The following UNC13C variants were observed in gnomAD, a reference collection of about 807,000 sequenced individuals.
UNC13C encodes the protein unc-13 homolog C, also known as protein unc-13 homolog C.
UNC13C carries 174 observed loss-of-function variants against 245.4 expected under a neutral mutation model. The observed-to-expected ratio is 0.71, with a 90% CI of 0.63 to 0.80. UNC13C has a LOEUF of 0.80. Among genes scored for constraint, UNC13C ranks in the 30% least tolerant of loss-of-function variants. The pLI is 0.00. For missense variants in UNC13C, 2,829 were observed against 2,602.9 expected (o/e 1.09, Z -1.89); for synonymous variants, 992 against 895.1 (o/e 1.11, Z -1.93).
chr15:54,284,224 A>G (rs181557016), intron 10 of UNC13C, among the ~76,000 whole-genome samples: 4 of 152,332 alleles, frequency 2.6e-5, no homozygotes, highest in Admixed American at 1.3e-4. Context: ...TCAAACATAC[A>G]TCCAAAGTGG....
chr15:53,860,297 C>T, the UNC13C span, among the ~76,000 whole-genome samples: 1 of 152,066 alleles, frequency 6.6e-6, no homozygotes, highest in Non-Finnish European at 1.5e-5. Context: ...TTACAGGTTG[C>T]TTTTATGACC....
At chr15:54,037,629 TAACATTAGAG>T (rs1262820296) in intron 2 of UNC13C, among the ~76,000 whole-genome samples, 1 of 152,200 alleles carries the variant, frequency 6.6e-6, no homozygotes, top group Non-Finnish European at 1.5e-5. Context: ...GAGATACTTC[TAACATTAGAG>T]ATTTGATTGG....
At chr15:54,412,977 A>G (rs2040445045) in intron 18 of UNC13C, among the ~76,000 whole-genome samples, 1 of 152,162 alleles carries the variant, frequency 6.6e-6, no homozygotes, top group Non-Finnish European at 1.5e-5. Flanking sequence ...ATTTTAAATC[A>G]TGAATGAATG....
chr15:54,552,526 T>C (rs1896818244), intron 28 of UNC13C, among the ~76,000 whole-genome samples: 1 of 65,378 alleles, frequency 1.5e-5, no homozygotes, highest in Admixed American at 2.6e-4. Context: ...ATATTATATA[T>C]AATAATATAA....
chr15:53,996,426 T>C (rs1225765344), intron 1 of UNC13C, among the ~76,000 whole-genome samples: 2 of 152,204 alleles, frequency 1.3e-5, no homozygotes, highest in African/African-American at 4.8e-5. Flanking sequence ...CTTATGTCTT[T>C]GATTGCAGGG....
chr15:54,280,693 CAT>C (rs539072740), intron 10 of UNC13C, among the ~76,000 whole-genome samples: 1 of 64,900 alleles, frequency 1.5e-5, no homozygotes, highest in African/African-American at 1.3e-4. Context: ...CATATATAAA[CAT>C]ATGTATACAT....
At chr15:54,326,130 T>C (rs2038292877) in intron 14 of UNC13C, among the ~76,000 whole-genome samples, 2 of 152,022 alleles carry the variant, frequency 1.3e-5, no homozygotes, top group South Asian at 2.1e-4. Flanking sequence ...GTGAGAGTCC[T>C]TGCAGAGAAC....
chr15:54,370,386 C>A (rs2039462527), intron 17 of UNC13C, among the ~76,000 whole-genome samples: 1 of 152,098 alleles, frequency 6.6e-6, no homozygotes, highest in Non-Finnish European at 1.5e-5. Context: ...CTAAATACCT[C>A]ATAATGAAAT....
At chr15:53,936,435 A>C in the UNC13C span, among the ~76,000 whole-genome samples, 1 of 151,452 alleles carries the variant, frequency 6.6e-6, no homozygotes, top group Admixed American at 6.6e-5. Context: ...CAGCTGACTT[A>C]CCTTTCCTGC....
intron 19 of UNC13C, among the ~76,000 whole-genome samples, chr15:54,435,429 G>A (rs181723785): frequency 6.6e-6 from 1 of 152,148 alleles, no homozygotes; most frequent in Admixed American, 6.6e-5. Context: ...CCTTTGCAAG[G>A]ACATAGATGA....
chr15:54,199,026 A>T (rs2141341777), intron 4 of UNC13C, among the ~76,000 whole-genome samples: 1 of 152,088 alleles, frequency 6.6e-6, no homozygotes, highest in Non-Finnish European at 1.5e-5. Flanking sequence ...TCAAGAACAC[A>T]CTCAGAGGAA....
chr15:53,871,600 C>A, the UNC13C span, among the ~76,000 whole-genome samples: 7 of 152,124 alleles, frequency 4.6e-5, no homozygotes, highest in Non-Finnish European at 2.9e-5. Flanking sequence ...CAGAGTAGGT[C>A]TTTAGTAAAT....
At chr15:54,176,016 CTCCT>C (rs2033601067) in intron 4 of UNC13C, among the ~76,000 whole-genome samples, 1 of 152,152 alleles carries the variant, frequency 6.6e-6, no homozygotes, top group African/African-American at 2.4e-5. Flanking sequence ...TATAGGATAT[CTCCT>C]TCCTCATCTC....
intron 7 of UNC13C, among the ~76,000 whole-genome samples, chr15:54,248,906 T>C (rs927465732): frequency 6.6e-6 from 1 of 152,228 alleles, no homozygotes; most frequent in African/African-American, 2.4e-5. Flanking sequence ...AAGGGAAATA[T>C]GCTGTTACCA....
chr15:54,047,443 A>G (rs1390000402), intron 2 of UNC13C, among the ~76,000 whole-genome samples: 1 of 151,982 alleles, frequency 6.6e-6, no homozygotes, highest in Non-Finnish European at 1.5e-5. Context: ...GTCTCTGGTA[A>G]ACACTGTTCT....
chr15:53,926,520 AT>A, the UNC13C span, among the ~76,000 whole-genome samples: 8 of 152,212 alleles, frequency 5.3e-5, no homozygotes, highest in Admixed American at 5.2e-4. Context: ...AAACAGAAAT[AT>A]TTGTTGTATC....
the UNC13C span, chr15:53,948,287 C>T: frequency 3.3e-5 from 5 of 152,246 alleles, no homozygotes; most frequent in East Asian, 9.7e-4. Flanking sequence ...AATGATACTG[C>T]TTTCAGAAGA....
intron 18 of UNC13C, among the ~76,000 whole-genome samples, chr15:54,405,734 C>T (rs7176511): frequency 0.019 from 2,903 of 152,118 alleles, 99 homozygotes; most frequent in African/African-American, 0.067. Context: ...TTTCCAGTAC[C>T]GGCTTTCCTC....
At chr15:54,128,054 ATAACTT>A (rs1318830476) in intron 2 of UNC13C, among the ~76,000 whole-genome samples, 1 of 152,082 alleles carries the variant, frequency 6.6e-6, no homozygotes, top group Non-Finnish European at 1.5e-5. Context: ...GCACTGATAA[ATAACTT>A]TAATAAAGTC....
Sources: gnomAD v4.1 joint callset for allele counts (sites outside exome capture counted in the v4.1 genomes callset) on GRCh38, gnomAD v4.1.1 for gene constraint, MANE v1.5 for transcripts, NCBI Gene and HGNC (gene_info 2026-07-23, HGNC 2026-07-21) for gene names.